Variants in KLHDC4 observed in about 807,000 individuals in gnomAD.
KLHDC4 encodes kelch domain containing 4, also known as kelch domain-containing protein 4.
Under a neutral mutation model 62.4 loss-of-function variants are expected in KLHDC4, and 90 were observed. The ratio of observed to expected loss-of-function variants is 1.44; its 90% CI spans 1.22 to 1.72. The LOEUF is 1.72. Among genes scored for constraint, KLHDC4 ranks in the 40% most tolerant of loss-of-function variants. The probability of loss-of-function intolerance (pLI) is 0.00; values close to 1 mark genes in which losing one functional copy is unlikely to be tolerated. For synonymous variants in KLHDC4, 386 were observed against 284.4 expected (o/e 1.36, Z -3.59); for missense variants, 1,025 against 699.7 (o/e 1.47, Z -5.25).
intron 7 of KLHDC4, among the ~76,000 whole-genome samples, chr16:87,720,871 G>A (rs1358134096): frequency 6.6e-6 from 1 of 152,192 alleles, no homozygotes; most frequent in Admixed American, 6.5e-5. Flanking sequence ...TTTCTGCAGA[G>A]CCAGCCCGGG....
intron 6 of KLHDC4, among the ~76,000 whole-genome samples, chr16:87,728,403 A>G (rs1235393299): frequency 6.6e-6 from 1 of 152,232 alleles, no homozygotes; most frequent in Non-Finnish European, 1.5e-5. Flanking sequence ...TAAGATAAAT[A>G]CAGAATATTT....
At chr16:87,759,237 T>TA (rs1420337477) in intron 2 of KLHDC4, among the ~76,000 whole-genome samples, 2 of 151,082 alleles carry the variant, frequency 1.3e-5, no homozygotes, top group Non-Finnish European at 2.9e-5. Flanking sequence ...TTTACCACAA[T>TA]AAAAAAAACT....
chr16:87,734,692 G>A (rs1215604720), intron 5 of KLHDC4, among the ~76,000 whole-genome samples: 1 of 152,112 alleles, frequency 6.6e-6, no homozygotes, highest in Non-Finnish European at 1.5e-5. Flanking sequence ...TGAGCCTTTG[G>A]GGTGGCCTCT....
rs767539144 is a variant in KLHDC4 at position 87,714,587 on chromosome 16, G to A, written c.760-14C>T. ...TTTCTTAACTCTCTGCAATGGAAAG[G>A]AATTGTGTGAGAACCGGGGGCAGCT... On this transcript the variant is annotated splice_polypyrimidine_tract_variant and intron_variant, in intron 7 of 11. Coordinates refer to ENST00000270583, the MANE Select transcript of KLHDC4 (RefSeq NM_017566.4). 6.2e-7 allele frequency: 1 copy of A among 1,613,998 alleles called. No homozygotes were observed. Among genetic ancestry groups the A allele is most frequent in the Non-Finnish European group, 8.5e-7 (1 of 1,179,874 alleles).
intron 2 of KLHDC4, among the ~76,000 whole-genome samples, chr16:87,759,906 T>C (rs1282601548): frequency 6.6e-6 from 1 of 152,130 alleles, no homozygotes; most frequent in African/African-American, 2.4e-5. Flanking sequence ...CCAGCCCAGG[T>C]GTTGCCGCCG....
At chr16:87,709,896 A>ACC (rs148628273) in intron 9 of KLHDC4, 1 of 503,906 alleles carries the variant, frequency 2.0e-6, no homozygotes, top group African/African-American at 1.9e-5. Flanking sequence ...GGGGCAGAAA[A>ACC]CCCCCCACTG....
Position 87,707,869 on chromosome 16 carries a change from T to C in KLHDC4, c.*208A>G, listed in dbSNP as rs1158325045. 2 of 440,836 alleles carry C rather than the reference T, an allele frequency of 4.5e-6. No homozygotes were observed. The highest frequency in any genetic ancestry group is 7.1e-5 in the East Asian group (1 of 14,104). 27.3% of individuals were successfully genotyped at this position (440,836 alleles called of 1,614,324 possible). On this transcript the variant is annotated 3_prime_UTR_variant, in exon 12 of 12. Coordinates refer to ENST00000270583, the MANE Select transcript of KLHDC4 (RefSeq NM_017566.4). ...ACACAGGCTGCTGAGGGAATCCACC[T>C]GCACTGCACTCAGTTGAACTTCCGG... is the stretch of plus-strand genomic sequence containing the variant.
At chr16:87,743,988 G>T (rs780753295) in intron 5 of KLHDC4, among the ~76,000 whole-genome samples, 1 of 149,556 alleles carries the variant, frequency 6.7e-6, no homozygotes, top group Non-Finnish European at 1.5e-5. Context: ...TTTAACATTA[G>T]AATTTGAGGG....
At chr16:87,761,876 G>A in intron 2 of KLHDC4, 73 bp downstream of exon 2, 1 of 1,403,648 alleles carries the variant, frequency 7.1e-7, no homozygotes, top group East Asian at 2.3e-5. Context: ...ACGAAACCTG[G>A]TGCTATTTAA....
downstream of KLHDC4, among the ~76,000 whole-genome samples, chr16:87,704,416 GTCCT>G (rs2034412559): frequency 1.8e-5 from 2 of 109,918 alleles, no homozygotes; most frequent in African/African-American, 4.3e-5. Context: ...CCTGGGGAGG[GTCCT>G]GAACGTCACG....
rs1245277098 is a variant in KLHDC4, at chr16:87,765,772, G to A, written c.99+20C>T. On this transcript the variant is annotated intron_variant, in intron 1 of 11. Coordinates refer to ENST00000270583, the MANE Select transcript of KLHDC4 (RefSeq NM_017566.4). ...CACGGCCGCGACGTCGGGCCGCTAA[G>A]CCCGGTCTGACCCGCTCACCTCCTC... The A allele has an allele frequency of 1.3e-6, 2 of 1,563,182 alleles. No homozygotes were observed. Among genetic ancestry groups the A allele is most frequent in the African/African-American group, 1.4e-5 (1 of 73,936 alleles).
chr16:87,708,393 G>C lies in KLHDC4; in HGVS notation c.1521C>G (p.Val507=). 2 of 1,610,860 alleles carry C rather than the reference G, an allele frequency of 1.2e-6. No homozygotes were observed. Among genetic ancestry groups the C allele is most frequent in the Non-Finnish European group, 1.7e-6 (2 of 1,179,122 alleles). Residue 507 remains valine (V), a synonymous_variant, in exon 11 of 12, where the codon GTC becomes GTG. Transcript: ENST00000270583. ...TCTCCTCTCCGCTGTCTTCGTCGTC[G>C]ACCCCACCCTCGGCGCCCTCAACCT... is the stretch of plus-strand genomic sequence containing the variant. ...SEEVEGAEGG[V]DDEDSGEESG... is the part of the protein sequence containing the mutation.
At chr16:87,711,734 A>C (rs1009245327) in intron 8 of KLHDC4, among the ~76,000 whole-genome samples, 5 of 151,408 alleles carry the variant, frequency 3.3e-5, no homozygotes, top group Admixed American at 6.5e-5. Context: ...ATTGGGCAGA[A>C]GCAGCACACA....
intron 5 of KLHDC4, among the ~76,000 whole-genome samples, chr16:87,736,936 C>T (rs1222425603): frequency 1.3e-5 from 2 of 151,474 alleles, no homozygotes; most frequent in African/African-American, 2.4e-5. Flanking sequence ...ACCAGCCTGG[C>T]CAACATGGTA....
chr16:87,708,570 A>C, intron 10 of KLHDC4, 104 bp from the exon 11 acceptor site: 1 of 709,604 alleles, frequency 1.4e-6, no homozygotes, highest in Non-Finnish European at 2.1e-6. Context: ...CCATTTTCTT[A>C]AGAACCATAA....
Position 87,709,254 on chromosome 16 carries a change from G to A in KLHDC4, c.1447+11C>T, listed in dbSNP as rs761627232. The stretch of plus-strand genomic sequence containing the variant: ...CTCCCGGGCACGGAGGCACCAAGCT[G>A]CCTGGCTCACCTGGGTCCATCTCCA... On this transcript the variant is annotated intron_variant, in intron 10 of 11. Transcript: ENST00000270583. 2.5e-6 allele frequency: 4 copies of A among 1,601,242 alleles called. No homozygotes were observed. The highest frequency in any genetic ancestry group is 3.3e-5 in the Admixed American group (2 of 59,712).
intron 5 of KLHDC4, chr16:87,742,868 C>G (rs8058616): frequency 0.15 from 22,780 of 152,240 alleles, 4,399 homozygotes; most frequent in African/African-American, 0.45. Flanking sequence ...CTAACGCCTT[C>G]CTATCAGGGA....
At chr16:87,747,727 C>T (rs536846905) in intron 5 of KLHDC4, 47 of 152,466 alleles carry the variant, frequency 3.1e-4, no homozygotes, top group African/African-American at 1.1e-3. Context: ...GCAGTGCAGC[C>T]AGCGAACAGG....
intron 10 of KLHDC4, 66 bp downstream of exon 10, chr16:87,709,199 A>G: frequency 1.9e-6 from 3 of 1,542,296 alleles, no homozygotes; most frequent in Non-Finnish European, 2.6e-6. Context: ...CTTGCTTTCG[A>G]GGGACGCGAC....
Sources: gnomAD v4.1 joint callset for allele counts (sites outside exome capture counted in the v4.1 genomes callset) on GRCh38, gnomAD v4.1.1 for gene constraint, MANE v1.5 for transcripts, NCBI Gene and HGNC (gene_info 2026-07-23, HGNC 2026-07-21) for gene names.